The following METTL24 variants were observed in gnomAD, a reference collection of about 807,000 sequenced individuals.
The protein encoded by METTL24 is probable methyltransferase-like protein 24.
METTL24 carries 29 observed loss-of-function variants against 32.7 expected under a neutral mutation model. The ratio of observed to expected loss-of-function variants is 0.89; its 90% confidence interval spans 0.66 to 1.21. METTL24 has a LOEUF of 1.21. METTL24 is among the 50% of genes most tolerant of loss of function. The pLI is 0.00. For synonymous variants in METTL24, 163 were observed against 179.5 expected, an observed-to-expected ratio of 0.91 and a Z score of 0.73; for missense variants, 439 against 468.1, an observed-to-expected ratio of 0.94 and a Z score of 0.57.
Position 110,245,900 on chromosome 6 carries a change from T to C in METTL24, c.*46A>G. The C allele has an allele frequency of 1.3e-6, 2 of 1,524,340 alleles. No individual in the cohort carries two copies. The highest frequency in any genetic ancestry group is 1.8e-6 in the Non-Finnish European group (2 of 1,123,046). 94.4% of individuals were successfully genotyped at this position (1,524,340 alleles called of 1,614,324 possible). On this transcript the variant is annotated 3_prime_UTR_variant, in exon 5 of 5. Coordinates refer to ENST00000338882, the MANE Select transcript of METTL24 (RefSeq NM_001123364.3). ...CTCATGATTAGAATTATGGACATGC[T>C]GCATTCTGCAAATATTTTCTTGTGC...
At chr6:110,299,286 C>T (rs1771479790) in intron 3 of METTL24, 136 bp from the exon 4 acceptor site, 1 of 679,608 alleles carries the variant, frequency 1.5e-6, no homozygotes, top group Non-Finnish European at 2.5e-6. Flanking sequence ...GGCTAATGTA[C>T]ACATTCAATA....
At chr6:110,257,620 G>A (rs1778408984) in intron 4 of METTL24, among the ~76,000 whole-genome samples, 1 of 152,058 alleles carries the variant, frequency 6.6e-6, no homozygotes, top group South Asian at 2.1e-4. Context: ...ATCTGAAGTG[G>A]AGCCTAAGTA....
intron 1 of METTL24, among the ~76,000 whole-genome samples, chr6:110,346,975 G>A (rs1205487245): frequency 6.6e-6 from 1 of 151,786 alleles, no homozygotes; most frequent in African/African-American, 2.4e-5. Flanking sequence ...CTGATTTCTT[G>A]TTTATTTTTC....
chr6:110,336,697 C>T (rs534392571), intron 1 of METTL24, among the ~76,000 whole-genome samples: 23 of 150,012 alleles, frequency 1.5e-4, no homozygotes, highest in African/African-American at 4.9e-4. Context: ...TGAGATTGCG[C>T]CACTGCACTC....
At chr6:110,253,937 G>A (rs1167311894) in intron 4 of METTL24, 1 of 1,456,264 alleles carries the variant, frequency 6.9e-7, no homozygotes, top group Non-Finnish European at 9.1e-7. Context: ...TCCCCAGGAG[G>A]GGTGAGGAGG....
intron 3 of METTL24, among the ~76,000 whole-genome samples, chr6:110,309,966 T>C (rs1771691868): frequency 6.6e-6 from 1 of 152,162 alleles, no homozygotes; most frequent in Non-Finnish European, 1.5e-5. Flanking sequence ...ATGTACAGTA[T>C]TATCTATGGT....
chr6:110,261,591 G>C (rs1770731979), intron 4 of METTL24, among the ~76,000 whole-genome samples: 1 of 152,134 alleles, frequency 6.6e-6, no homozygotes, highest in African/African-American at 2.4e-5. Context: ...TCCAGGAATT[G>C]AACTCAGCTC....
intron 1 of METTL24, among the ~76,000 whole-genome samples, chr6:110,327,903 G>A (rs1772044538): frequency 6.6e-6 from 1 of 152,196 alleles, no homozygotes; most frequent in African/African-American, 2.4e-5. Context: ...AATATCAAGT[G>A]GCCATAACAA....
At position 110,267,112 on chromosome 6, in the gene METTL24, G is replaced by A. The variant is rs113997627; in HGVS notation, c.787-20852C>T. 4.4e-3 allele frequency among the ~76,000 whole-genome samples: 667 copies of A among 151,870 alleles called. 2 individuals are homozygous for A. Among genetic ancestry groups the A allele is most frequent in the African/African-American group, 0.015 (638 of 41,384 alleles). Reference sequence around the variant, plus strand: ...AGTGAAGATCTTGGAAGGGGCCTATGGCCCATGCAAGTGACAGGCCCTAAA... The same window carrying A: ...AGTGAAGATCTTGGAAGGGGCCTATAGCCCATGCAAGTGACAGGCCCTAAA... On this transcript the variant is annotated intron_variant, in intron 4 of 4. Coordinates refer to ENST00000338882, the MANE Select transcript of METTL24 (RefSeq NM_001123364.3).
intron 1 of METTL24, among the ~76,000 whole-genome samples, chr6:110,348,714 C>A (rs1383464904): frequency 6.6e-6 from 1 of 152,168 alleles, no homozygotes; most frequent in African/African-American, 2.4e-5. Context: ...AAGTGATGGC[C>A]GTGAAGATGG....
chr6:110,358,246 CCTCCCGGGCGGCCT>C lies in METTL24; in HGVS notation c.13_26del (p.Arg5GlyfsTer117). On this transcript the variant is annotated frameshift_variant, in exon 1 of 5. Transcript: ENST00000338882. LOFTEE classifies it high-confidence loss of function. ...GACACCGGCGCAGGACGCCGCAGCC[CCTCCCGGGCGGCCT>C]CTCCCGGGCCATGGCGCTACACTCG... The C allele has an allele frequency of 6.7e-7, 1 of 1,485,660 alleles. No individual in the cohort carries two copies. Among genetic ancestry groups the C allele is most frequent in the Non-Finnish European group, 8.9e-7 (1 of 1,125,048 alleles). The allele number at this position is 1,485,660 out of a possible 1,614,324, so 92.0% of individuals were successfully genotyped here. A position where few individuals can be genotyped will look rare whatever the true frequency, so the allele number is the denominator to read the frequency against.
chr6:110,287,390 G>C (rs1363042830), intron 4 of METTL24, among the ~76,000 whole-genome samples: 1 of 152,130 alleles, frequency 6.6e-6, no homozygotes, highest in Non-Finnish European at 1.5e-5. Flanking sequence ...CTGCTAAATT[G>C]CCACTGGCTT....
At chr6:110,263,496 T>G (rs1397261083) in intron 4 of METTL24, among the ~76,000 whole-genome samples, 1 of 152,048 alleles carries the variant, frequency 6.6e-6, no homozygotes, top group Non-Finnish European at 1.5e-5. Flanking sequence ...GAAGAACATT[T>G]CATGCTCATG....
chr6:110,347,825 A>G (rs1229107917), intron 1 of METTL24, among the ~76,000 whole-genome samples: 2 of 152,250 alleles, frequency 1.3e-5, no homozygotes, highest in East Asian at 3.9e-4. Flanking sequence ...AATGTGAACA[A>G]TAAGCCTCAA....
At chr6:110,271,540 A>G (rs1308487554) in intron 4 of METTL24, among the ~76,000 whole-genome samples, 1 of 152,170 alleles carries the variant, frequency 6.6e-6, no homozygotes, top group East Asian at 1.9e-4. Context: ...ATTAATGGTG[A>G]GCTTCTTGAT....
intron 3 of METTL24, among the ~76,000 whole-genome samples, chr6:110,306,980 A>G (rs759603394): frequency 7.0e-4 from 106 of 152,190 alleles, no homozygotes; most frequent in Non-Finnish European, 1.3e-3. Context: ...GGCTATGTCA[A>G]TCTTGCTCAT....
intron 1 of METTL24, among the ~76,000 whole-genome samples, chr6:110,352,020 T>G (rs1332899583): frequency 6.6e-6 from 1 of 152,232 alleles, no homozygotes; most frequent in Non-Finnish European, 1.5e-5. Flanking sequence ...TTTTCTTCCT[T>G]TTTTGTTTAA....
chr6:110,351,855 G>A (rs925747792), intron 1 of METTL24, among the ~76,000 whole-genome samples: 1 of 152,160 alleles, frequency 6.6e-6, no homozygotes, highest in African/African-American at 2.4e-5. Flanking sequence ...TGGGATTTCC[G>A]TAACAGCCCT....
intron 4 of METTL24, among the ~76,000 whole-genome samples, chr6:110,255,554 T>C (rs1778366783): frequency 6.6e-6 from 1 of 152,112 alleles, no homozygotes; most frequent in African/African-American, 2.4e-5. Context: ...AGAAGGGCAA[T>C]GGCAGAACCA....
Sources: allele counts gnomAD v4.1 joint callset (sites outside exome capture counted in the v4.1 genomes callset), GRCh38; gene constraint gnomAD v4.1.1; transcripts MANE v1.5; gene names NCBI Gene and HGNC (gene_info 2026-07-23, HGNC 2026-07-21).